ADGRG5: variants seen among roughly 807,000 people sequenced by gnomAD.
ADGRG5 encodes the protein G protein-coupled receptor 114.
In ADGRG5, 37 loss-of-function variants were observed where a neutral mutation model predicts 53.2. The ratio of observed to expected loss-of-function variants is 0.70; its 90% CI spans 0.53 to 0.91. The LOEUF is 0.91. Among genes scored for constraint, ADGRG5 ranks in the 40% least tolerant of loss-of-function variants. ADGRG5 has a pLI of 0.00. For missense variants in ADGRG5, 614 were observed against 675.8 expected (o/e 0.91, Z 1.01); for synonymous variants, 277 against 290.4 (o/e 0.95, Z 0.47).
chr16:57,559,070 G>A (rs1383276418), intron 1 of ADGRG5, among the ~76,000 whole-genome samples: 15 of 147,994 alleles, frequency 1.0e-4, no homozygotes, highest in African/African-American at 1.8e-4. Flanking sequence ...GGCTGGTCTC[G>A]AACCCCTAGG....
At chr16:57,573,487 T>C (rs1330306547) in intron 10 of ADGRG5, among the ~76,000 whole-genome samples, 8 of 145,670 alleles carry the variant, frequency 5.5e-5, no homozygotes, top group Non-Finnish European at 1.2e-4. Context: ...AAAGCAGAGA[T>C]TGATTGAAAA....
chr16:57,533,564 TCACA>T, the ADGRG5 span, among the ~76,000 whole-genome samples: 7 of 118,324 alleles, frequency 5.9e-5, no homozygotes, highest in South Asian at 1.1e-3. Flanking sequence ...GGACCTGCAC[TCACA>T]CACAGCCCCA....
chr16:57,540,783 G>T (rs1473358263), upstream of ADGRG5, among the ~76,000 whole-genome samples: 1 of 152,116 alleles, frequency 6.6e-6, no homozygotes, highest in African/African-American at 2.4e-5. Flanking sequence ...GCCACCACTG[G>T]TTTTTTGTTT....
the ADGRG5 span, among the ~76,000 whole-genome samples, chr16:57,531,403 C>T: frequency 6.6e-6 from 1 of 152,144 alleles, no homozygotes; most frequent in African/African-American, 2.4e-5. Context: ...CATCCGCCTT[C>T]CATCCACCTT....
At chr16:57,543,460 T>C (rs2032539017) in intron 1 of ADGRG5, among the ~76,000 whole-genome samples, 1 of 151,912 alleles carries the variant, frequency 6.6e-6, no homozygotes, top group African/African-American at 2.4e-5. Flanking sequence ...TTTTCGTAAT[T>C]TTAGTAGAGG....
chr16:57,538,946 T>C (rs1379782163), upstream of ADGRG5, among the ~76,000 whole-genome samples: 1 of 152,154 alleles, frequency 6.6e-6, no homozygotes, highest in East Asian at 1.9e-4. Flanking sequence ...TAAAAATAAA[T>C]AGTATGCAAA....
upstream of ADGRG5, among the ~76,000 whole-genome samples, chr16:57,540,192 G>A (rs540184589): frequency 2.6e-5 from 4 of 152,102 alleles, no homozygotes; most frequent in African/African-American, 4.8e-5. Flanking sequence ...GCAGTGAGCC[G>A]AGATTGCGCC....
chr16:57,537,904 G>A (rs796897458), upstream of ADGRG5, among the ~76,000 whole-genome samples: 2 of 151,858 alleles, frequency 1.3e-5, no homozygotes, highest in East Asian at 1.9e-4. Flanking sequence ...GAGGACAAGG[G>A]CATCCACATT....
At chr16:57,546,375 C>T (rs568152611) in intron 1 of ADGRG5, among the ~76,000 whole-genome samples, 1 of 152,350 alleles carries the variant, frequency 6.6e-6, no homozygotes, top group African/African-American at 2.4e-5. Flanking sequence ...ATCCTCCTGC[C>T]TCAGCCTACC....
At chr16:57,557,630 G>A (rs1456943681) in intron 1 of ADGRG5, among the ~76,000 whole-genome samples, 1 of 151,998 alleles carries the variant, frequency 6.6e-6, no homozygotes, top group Non-Finnish European at 1.5e-5. Context: ...CATTTGCACA[G>A]TTCTTGGGTA....
rs1319760902 is a variant in ADGRG5, at chr16:57,571,654, T to TC, written c.1208+1119_1208+1120insC. Among the ~76,000 whole-genome samples the TC allele has an allele frequency of 4.6e-3, 618 of 133,102 alleles. 2 individuals are homozygous for TC. Among genetic ancestry groups the TC allele is most frequent in the Non-Finnish European group, 7.7e-3 (486 of 63,078 alleles). The allele number at this position is 133,102 out of a possible 152,430, so 87.3% of individuals were successfully genotyped here. A position where few individuals can be genotyped will look rare whatever the true frequency, so the allele number is the denominator to read the frequency against. ...TCTCTGAAGATGTATTTTCTTTTTTTTCTTTTTTTTTTTTTTTTGAGATGG... is the reference window on the plus strand; with the variant it reads ...TCTCTGAAGATGTATTTTCTTTTTTTCTCTTTTTTTTTTTTTTTTGAGATGG... On this transcript the variant is annotated intron_variant, in intron 10 of 11. Coordinates refer to ENST00000349457, the MANE Select transcript of ADGRG5 (RefSeq NM_001304376.3).
chr16:57,576,106 G>A lies in ADGRG5; in HGVS notation c.*568G>A, dbSNP rs2033509965. On this transcript the variant is annotated 3_prime_UTR_variant, in exon 12 of 12. Coordinates refer to ENST00000349457, the MANE Select transcript of ADGRG5 (RefSeq NM_001304376.3). Reference sequence around the variant, plus strand: ...GGCCCTGCCACCTTCCTCCAGGGGAGGGCCAGATGGCATCCTGGCTTGGGG... The same window carrying A: ...GGCCCTGCCACCTTCCTCCAGGGGAAGGCCAGATGGCATCCTGGCTTGGGG... 1 of 153,560 alleles carries A rather than the reference G, an allele frequency of 6.5e-6. No individual in the cohort carries two copies. The highest frequency in any genetic ancestry group is 1.4e-5 in the Non-Finnish European group (1 of 68,976). 9.5% of individuals were successfully genotyped at this position (153,560 alleles called of 1,614,324 possible).
At chr16:57,529,433 G>A in the ADGRG5 span, 2 of 231,590 alleles carry the variant, frequency 8.6e-6, no homozygotes, top group Non-Finnish European at 1.5e-5. This position sits in a 1 kb window ranked among gnomAD's most constrained non-coding sequence, Gnocchi z 4.1. Context: ...GGAGGAGAGA[G>A]TTCTGTTCCA....
the ADGRG5 span, among the ~76,000 whole-genome samples, chr16:57,529,521 A>G: frequency 5.9e-5 from 9 of 152,258 alleles, no homozygotes; most frequent in East Asian, 9.6e-4. This position sits in a 1 kb window ranked among gnomAD's most constrained non-coding sequence, Gnocchi z 4.1. Flanking sequence ...CCCTGCTCCA[A>G]TCCCTTCACC....
chr16:57,565,279 G>C (rs982477247), intron 6 of ADGRG5, 129 bp downstream of exon 6: 2 of 661,910 alleles, frequency 3.0e-6, no homozygotes, highest in South Asian at 3.7e-5. Context: ...GAAAATTCCT[G>C]CTCAAGAAAT....
intron 9 of ADGRG5, 79 bp from the exon 10 acceptor site, chr16:57,570,339 T>C (rs1397181318): frequency 1.2e-6 from 1 of 836,490 alleles, no homozygotes; most frequent in South Asian, 1.4e-5. Context: ...AAATTCTGTG[T>C]CAGCAGCCCC....
At chr16:57,562,257 C>T (rs1454951023) in intron 2 of ADGRG5, 100 bp downstream of exon 2, 1 of 1,422,732 alleles carries the variant, frequency 7.0e-7, no homozygotes, top group South Asian at 1.2e-5. Flanking sequence ...AAAAGGGCCA[C>T]TTAGGCTTCC....
chr16:57,537,666 C>G (rs1220544350), upstream of ADGRG5, among the ~76,000 whole-genome samples: 1 of 151,952 alleles, frequency 6.6e-6, no homozygotes, highest in African/African-American at 2.4e-5. Context: ...TGCCTTTTTT[C>G]GGGTCTGGGT....
At chr16:57,564,878 G>GCTGGGAGT (rs1212468599) in intron 5 of ADGRG5, among the ~76,000 whole-genome samples, 156 bp from the exon 6 acceptor site, 1 of 151,980 alleles carries the variant, frequency 6.6e-6, no homozygotes, top group Non-Finnish European at 1.5e-5. Context: ...AGGCTGGGAG[G>GCTGGGAGT]CTGGGAAGGC....
Sources: allele counts gnomAD v4.1 joint callset (sites outside exome capture counted in the v4.1 genomes callset), GRCh38; gene constraint gnomAD v4.1.1; non-coding constraint Gnocchi (gnomAD v3.1); transcripts MANE v1.5; gene names NCBI Gene and HGNC (gene_info 2026-07-23, HGNC 2026-07-21).